NBAS: variants seen among roughly 807,000 people sequenced by gnomAD.
NBAS encodes the protein NBAS subunit of NRZ tethering complex.
A neutral mutation model predicts 302.5 loss-of-function variants in NBAS; 219 were observed. The ratio of observed to expected loss-of-function variants is 0.72; its 90% CI spans 0.65 to 0.81. The LOEUF is 0.81. Among genes scored for constraint, NBAS ranks in the 30% least tolerant of loss-of-function variants. The pLI is 0.00. For missense variants in NBAS, 2,932 were observed against 2,841.6 expected, an observed-to-expected ratio of 1.03 and a Z score of -0.72; for synonymous variants, 1,118 against 1,021.6, an observed-to-expected ratio of 1.09 and a Z score of -1.80.
the NBAS span, among the ~76,000 whole-genome samples, chr2:14,859,288 C>T: frequency 6.6e-6 from 1 of 151,606 alleles, no homozygotes; most frequent in Admixed American, 6.6e-5. Context: ...CAGTGAAATC[C>T]CTATCAAAAT....
At chr2:15,298,774 G>A (rs926758597) in intron 40 of NBAS, among the ~76,000 whole-genome samples, 2 of 152,106 alleles carry the variant, frequency 1.3e-5, no homozygotes, top group African/African-American at 4.8e-5. Context: ...AACAATTAAA[G>A]TTTCGAAAGC....
the NBAS span, among the ~76,000 whole-genome samples, chr2:15,070,521 C>T: frequency 6.6e-6 from 1 of 152,140 alleles, no homozygotes; most frequent in African/African-American, 2.4e-5. Context: ...CTCCATGGCT[C>T]CTCTGTGTCC....
chr2:15,328,304 T>G lies in NBAS; in HGVS notation c.4356A>C (p.Lys1452Asn), dbSNP rs750324091. Residue 1452 changes from lysine (K) to asparagine (N), a missense_variant, in exon 37 of 52, where the codon AAA (lysine) becomes AAC (asparagine). Transcript: ENST00000281513. ...TTCCGATTTGATATGCACCACCACA[T>G]TTTTGCCCCTAAAAAGAAAAAAAGT... ...LTYLRPLQGQ[K>N]CGGAYQIGTT... 6.5e-5 allele frequency: 105 copies of G among 1,613,074 alleles called. No homozygotes were observed. Among genetic ancestry groups the G allele is most frequent in the Non-Finnish European group, 8.7e-5 (103 of 1,179,646 alleles).
At chr2:15,093,187 G>A in the NBAS span, among the ~76,000 whole-genome samples, 27 of 152,164 alleles carry the variant, frequency 1.8e-4, no homozygotes, top group Admixed American at 3.3e-4. Flanking sequence ...AGGCGGAGGC[G>A]GGCAGATCAC....
At chr2:15,314,373 T>TAAC (rs768213513) in intron 38 of NBAS, among the ~76,000 whole-genome samples, 1 of 151,662 alleles carries the variant, frequency 6.6e-6, no homozygotes, top group African/African-American at 2.4e-5. Flanking sequence ...AACAAACAAA[T>TAAC]AACAACAACA....
the NBAS span, among the ~76,000 whole-genome samples, chr2:15,141,526 G>C: frequency 6.6e-6 from 1 of 152,114 alleles, no homozygotes; most frequent in Non-Finnish European, 1.5e-5. Context: ...GGCCTGAGAC[G>C]ATGTCATTCT....
intron 35 of NBAS, among the ~76,000 whole-genome samples, chr2:15,342,305 A>G (rs1343457148): frequency 2.6e-5 from 4 of 152,126 alleles, no homozygotes; most frequent in Non-Finnish European, 5.9e-5. Flanking sequence ...AAAATAAATA[A>G]ATCAAAAAAA....
At chr2:15,121,472 G>A in the NBAS span, among the ~76,000 whole-genome samples, 6 of 152,170 alleles carry the variant, frequency 3.9e-5, no homozygotes, top group East Asian at 9.7e-4. Flanking sequence ...CGAGGTACAC[G>A]TCAAACACTA....
At chr2:15,017,518 C>CA in the NBAS span, among the ~76,000 whole-genome samples, 11,933 of 149,958 alleles carry the variant, frequency 0.08, 1,152 homozygotes, top group African/African-American at 0.22. Flanking sequence ...AGGTGTTGCT[C>CA]AAAAAAAAAG....
chr2:15,312,301 G>T (rs1290682353), intron 38 of NBAS, among the ~76,000 whole-genome samples: 2 of 152,018 alleles, frequency 1.3e-5, no homozygotes, highest in Admixed American at 6.6e-5. Context: ...AAGAGATGGG[G>T]TCTCAGTCTA....
At chr2:15,383,362 A>C (rs768515798) in intron 28 of NBAS, 45 bp from the exon 29 acceptor site, 1 of 1,550,852 alleles carries the variant, frequency 6.4e-7, no homozygotes, top group East Asian at 2.2e-5. Context: ...AAAGAAAACA[A>C]TTAAAATCTC....
chr2:15,217,414 A>T (rs1364203900), intron 48 of NBAS, among the ~76,000 whole-genome samples: 1 of 152,234 alleles, frequency 6.6e-6, no homozygotes, highest in Admixed American at 6.5e-5. Context: ...AATTACAAAG[A>T]TATTCGTGAT....
chr2:15,513,298 C>A (rs1399224151), intron 9 of NBAS, among the ~76,000 whole-genome samples: 1 of 152,198 alleles, frequency 6.6e-6, no homozygotes, highest in Non-Finnish European at 1.5e-5. Flanking sequence ...CTACCCTAAG[C>A]AAATCCTTAG....
chr2:14,781,904 T>C, the NBAS span, among the ~76,000 whole-genome samples: 1 of 152,118 alleles, frequency 6.6e-6, no homozygotes, highest in African/African-American at 2.4e-5. Context: ...TCCTGAAGCA[T>C]GAAATCCAAA....
chr2:15,501,267 C>T (rs180845722), intron 11 of NBAS, among the ~76,000 whole-genome samples: 12 of 149,636 alleles, frequency 8.0e-5, no homozygotes, highest in African/African-American at 1.2e-4. Context: ...GGCAACAGAG[C>T]GACACTCTGC....
the NBAS span, among the ~76,000 whole-genome samples, chr2:14,909,366 TA>T: frequency 1.6e-3 from 122 of 78,564 alleles, 1 homozygote; most frequent in Middle Eastern, 7.6e-3. Context: ...GGAGAGTTTC[TA>T]AAAAAAAAAA....
chr2:14,940,708 C>T, the NBAS span, among the ~76,000 whole-genome samples: 56 of 152,330 alleles, frequency 3.7e-4, no homozygotes, highest in Non-Finnish European at 1.5e-5. Context: ...CCCTTTTAGT[C>T]TCTTCCCTGA....
chr2:15,111,370 T>C, the NBAS span, among the ~76,000 whole-genome samples: 1 of 152,008 alleles, frequency 6.6e-6, no homozygotes, highest in African/African-American at 2.4e-5. Flanking sequence ...TGGGAGTGGG[T>C]GAGAACAAAG....
At chr2:14,810,828 G>A in the NBAS span, among the ~76,000 whole-genome samples, 2 of 152,132 alleles carry the variant, frequency 1.3e-5, no homozygotes, top group Non-Finnish European at 2.9e-5. Flanking sequence ...TGGAAAGGTA[G>A]GTCATATCTT....
Sources: allele counts gnomAD v4.1 joint callset (sites outside exome capture counted in the v4.1 genomes callset), GRCh38; gene constraint gnomAD v4.1.1; transcripts MANE v1.5; gene names NCBI Gene and HGNC (gene_info 2026-07-23, HGNC 2026-07-21).